Variants in GGT7 observed in about 807,000 individuals in gnomAD.
GGT7 encodes gamma-glutamyltransferase 7.
GGT7 carries 30 observed loss-of-function variants against 69.2 expected under a neutral mutation model. The observed-to-expected ratio is 0.43, with a 90% CI of 0.32 to 0.59. The LOEUF is 0.59. Among genes scored for constraint, GGT7 ranks in the 20% least tolerant of loss-of-function variants. The pLI is 0.05. For synonymous variants in GGT7, 388 were observed against 391.8 expected, an observed-to-expected ratio of 0.99 and a Z score of 0.12; for missense variants, 733 against 901.1, an observed-to-expected ratio of 0.81 and a Z score of 2.39.
chr20:34,859,789 A>G, intron 6 of GGT7, 150 bp from the exon 7 acceptor site: 1 of 828,372 alleles, frequency 1.2e-6, no homozygotes, highest in Non-Finnish European at 1.9e-6. Flanking sequence ...GGGATGTCTA[A>G]GGGCCCTTCC....
chr20:34,847,807 T>A (rs143732610), intron 14 of GGT7, among the ~76,000 whole-genome samples: 1 of 152,184 alleles, frequency 6.6e-6, no homozygotes, highest in African/African-American at 2.4e-5. Flanking sequence ...AAAATACATT[T>A]AGGGCCGGGC....
chr20:34,847,435 G>A (rs1032805944), intron 14 of GGT7, among the ~76,000 whole-genome samples: 5 of 152,076 alleles, frequency 3.3e-5, no homozygotes, highest in South Asian at 2.1e-4. Context: ...ACATCCTACC[G>A]CTTCTCAATA....
At chr20:34,846,312 C>T (rs1290238228) in intron 14 of GGT7, among the ~76,000 whole-genome samples, 1 of 119,370 alleles carries the variant, frequency 8.4e-6, no homozygotes, top group Non-Finnish European at 1.8e-5. Flanking sequence ...TTCTTTCTTT[C>T]TTTTTTTTGA....
chr20:34,850,109 G>T, intron 13 of GGT7, 49 bp from the exon 14 acceptor site: 1 of 1,252,810 alleles, frequency 8.0e-7, no homozygotes, highest in Non-Finnish European at 1.2e-6. Flanking sequence ...AGGGGTGATG[G>T]TCCAGGATTC....
Position 34,854,926 on chromosome 20 carries a change from G to A in GGT7, c.1103-3C>T, listed in dbSNP as rs2079466931. On this transcript the variant is annotated splice_region_variant and splice_polypyrimidine_tract_variant and intron_variant, in intron 8 of 14. Transcript: ENST00000336431. Reference sequence around the variant, plus strand: ...TGGGGGACTAAGAACCAGGTGGCCTGAAAGGACAGGAAGTGACTGATGGCA... The same window carrying A: ...TGGGGGACTAAGAACCAGGTGGCCTAAAAGGACAGGAAGTGACTGATGGCA... 3 of 1,613,358 alleles carry A rather than the reference G, an allele frequency of 1.9e-6. No individual in the cohort carries two copies. The highest frequency in any genetic ancestry group is 2.7e-5 in the African/African-American group (2 of 74,912).
Position 34,854,939 on chromosome 20 carries a change from G to A in GGT7, c.1103-16C>T, listed in dbSNP as rs2146898502. On this transcript the variant is annotated splice_polypyrimidine_tract_variant and intron_variant, in intron 8 of 14. Coordinates refer to ENST00000336431, the MANE Select transcript of GGT7 (RefSeq NM_178026.3). Reference sequence around the variant, plus strand: ...ACCAGGTGGCCTGAAAGGACAGGAAGTGACTGATGGCAGGGTAGGGGTCAA... The same window carrying A: ...ACCAGGTGGCCTGAAAGGACAGGAAATGACTGATGGCAGGGTAGGGGTCAA... 3 of 1,612,652 alleles carry A rather than the reference G, an allele frequency of 1.9e-6. No individual in the cohort carries two copies. In the East Asian group the frequency reaches 6.7e-5, roughly 36 times the overall value.
chr20:34,845,117 A>ACCCCCCCCCCC lies in GGT7; in HGVS notation c.*210_*211insGGGGGGGGGGG. 2.5e-6 allele frequency: 1 copy of ACCCCCCCCCCC among 403,338 alleles called. No homozygotes were observed. The highest frequency in any genetic ancestry group is 4.6e-6 in the Non-Finnish European group (1 of 217,360). The allele number at this position is 403,338 out of a possible 1,614,324, so 25.0% of individuals were successfully genotyped here. A position where few individuals can be genotyped will look rare whatever the true frequency, so the allele number is the denominator to read the frequency against. On this transcript the variant is annotated 3_prime_UTR_variant, in exon 15 of 15. Transcript: ENST00000336431. ...TGTACTGTAGATGCTGACACTCACC[A>ACCCCCCCCCCC]CCACCACCACCACCACCACCACCAC...
chr20:34,859,357 AGG>A, intron 7 of GGT7, 84 bp downstream of exon 7: 2 of 941,224 alleles, frequency 2.1e-6, no homozygotes, highest in Non-Finnish European at 3.1e-6. Context: ...GGAGGGAGGG[AGG>A]GAAGGAAGGA....
At chr20:34,869,914 G>A (rs762395842) in intron 1 of GGT7, among the ~76,000 whole-genome samples, 9 of 152,206 alleles carry the variant, frequency 5.9e-5, no homozygotes, top group Non-Finnish European at 1.2e-4. Flanking sequence ...TTGGAGCTCA[G>A]AAGAAAGAAA....
chr20:34,871,985 G>A (rs1227772611), intron 1 of GGT7, among the ~76,000 whole-genome samples: 1 of 152,078 alleles, frequency 6.6e-6, no homozygotes, highest in Non-Finnish European at 1.5e-5. Context: ...TAAAATTCTG[G>A]AGACTGCTTC....
At chr20:34,860,381 G>C in intron 4 of GGT7, 60 bp from the exon 5 acceptor site, 1 of 1,291,804 alleles carries the variant, frequency 7.7e-7, no homozygotes, top group Middle Eastern at 1.8e-4. Flanking sequence ...GGGGGTGCTG[G>C]GCTGAACTCC....
chr20:34,866,949 C>G (rs2079700448), intron 1 of GGT7, among the ~76,000 whole-genome samples: 1 of 152,168 alleles, frequency 6.6e-6, no homozygotes, highest in South Asian at 2.1e-4. Flanking sequence ...ATGCTTGCCT[C>G]TAACCCTCAA....
At chr20:34,854,394 T>C (rs549907101) in intron 10 of GGT7, 137 bp downstream of exon 10, 44 of 613,888 alleles carry the variant, frequency 7.2e-5, no homozygotes, top group Non-Finnish European at 1.3e-4. Flanking sequence ...GCACCCAGTG[T>C]CACGTTGTGA....
At chr20:34,864,981 C>T (rs1309711521) in intron 1 of GGT7, among the ~76,000 whole-genome samples, 1 of 152,002 alleles carries the variant, frequency 6.6e-6, no homozygotes, top group African/African-American at 2.4e-5. Context: ...TGCCACCATG[C>T]CTGAGTAATT....
rs1477238912 is a variant in GGT7, at chr20:34,854,679, G to C, written c.1231-60C>G. ...AGGCCCCTCCCAGAACCCACACCCA[G>C]TGGACTTTCGTGTGTGAGAAAACTT... On this transcript the variant is annotated intron_variant, in intron 9 of 14. Transcript: ENST00000336431. 1.9e-6 allele frequency: 3 copies of C among 1,565,716 alleles called. No homozygotes were observed. In the East Asian group the frequency reaches 6.7e-5, roughly 35 times the overall value.
intron 12 of GGT7, among the ~76,000 whole-genome samples, chr20:34,851,649 G>A (rs1241967540): frequency 6.6e-6 from 1 of 152,158 alleles, no homozygotes; most frequent in East Asian, 1.9e-4. Context: ...GATGGCAATG[G>A]GGAAGAACAG....
chr20:34,872,587 A>G (rs1481986890), intron 1 of GGT7, 60 bp downstream of exon 1: 2 of 1,198,872 alleles, frequency 1.7e-6, no homozygotes, highest in African/African-American at 1.6e-5. Context: ...TGCTTGACAC[A>G]GAAGAAGGAA....
intron 2 of GGT7, 24 bp from the exon 3 acceptor site, chr20:34,862,989 T>TG (rs762215762): frequency 6.2e-7 from 1 of 1,603,572 alleles, no homozygotes; most frequent in Non-Finnish European, 8.5e-7. Context: ...GAGGACTTGG[T>TG]GGGGGCAGGA....
intron 12 of GGT7, among the ~76,000 whole-genome samples, chr20:34,851,717 G>A (rs753471498): frequency 2.0e-5 from 3 of 152,150 alleles, no homozygotes; most frequent in African/African-American, 2.4e-5. Flanking sequence ...CCCAGATGGC[G>A]GGGTGTAAGA....
Sources: allele counts gnomAD v4.1 joint callset (sites outside exome capture counted in the v4.1 genomes callset), GRCh38; gene constraint gnomAD v4.1.1; transcripts MANE v1.5; gene names NCBI Gene and HGNC (gene_info 2026-07-23, HGNC 2026-07-21).